CDKL2: variants seen among roughly 807,000 people sequenced by gnomAD.
CDKL2 encodes the protein cyclin-dependent kinase-like 2.
A neutral mutation model predicts 63.9 loss-of-function variants in CDKL2; 64 were observed. That is an observed-to-expected ratio of 1.00 (90% CI 0.82 to 1.23). The LOEUF is 1.23. Among genes scored for constraint, CDKL2 ranks in the 50% most tolerant of loss-of-function variants. The pLI is 0.00. For missense variants in CDKL2, 656 were observed against 668.0 expected, an observed-to-expected ratio of 0.98 and a Z score of 0.20; for synonymous variants, 211 against 229.2, an observed-to-expected ratio of 0.92 and a Z score of 0.72.
Position 75,581,873 on chromosome 4 carries a change from T to G in CDKL2, c.1673A>C (p.Asp558Ala), listed in dbSNP as rs1728277911. Residue 558 changes from aspartate (D) to alanine (A), a missense_variant, in exon 13 of 14, where the codon GAT (aspartate) becomes GCT (alanine). By Grantham distance (126) the Asp-to-Ala change is moderately radical. Coordinates refer to ENST00000307465, the MANE Select transcript of CDKL2 (RefSeq NM_001330724.2). ...CATTTGAGGCAAATCAGCCCCTGAATCATCTGACAGGGGAGGTCCTGATAC... is the reference window on the plus strand; with the variant it reads ...CATTTGAGGCAAATCAGCCCCTGAAGCATCTGACAGGGGAGGTCCTGATAC... ...HQVSGPPLSD[D>A]SGADLPQMEH... is the part of the protein sequence containing the mutation. 1 of 1,612,220 alleles carries G rather than the reference T, an allele frequency of 6.2e-7. No individual in the cohort carries two copies. The highest frequency in any genetic ancestry group is 8.5e-7 in the Non-Finnish European group (1 of 1,178,666).
intron 2 of CDKL2, among the ~76,000 whole-genome samples, chr4:75,620,874 G>T (rs571765553): frequency 1.3e-5 from 2 of 151,756 alleles, no homozygotes; most frequent in African/African-American, 4.8e-5. Context: ...ATGAATCTTA[G>T]TATATGAAGC....
rs1019220300 is a variant in CDKL2, at chr4:75,577,613, C to A, written c.*1589G>T. On this transcript the variant is annotated 3_prime_UTR_variant, in exon 14 of 14. Transcript: ENST00000307465. ...TTTGGCTTTAAGTATTACCTGTTTG[C>A]CATGCTGCAGAATCTATTGGCAGTG... Among the ~76,000 whole-genome samples the A allele has an allele frequency of 3.3e-5, 5 of 152,118 alleles. No homozygotes were observed. Among genetic ancestry groups the A allele is most frequent in the Non-Finnish European group, 7.4e-5 (5 of 67,990 alleles).
chr4:75,610,839 A>T (rs1729656659), intron 3 of CDKL2, among the ~76,000 whole-genome samples: 1 of 152,146 alleles, frequency 6.6e-6, no homozygotes. Flanking sequence ...ATATGTATGT[A>T]TGTATGTATA....
chr4:75,621,155 C>T (rs1308847745), intron 2 of CDKL2, among the ~76,000 whole-genome samples: 5 of 151,882 alleles, frequency 3.3e-5, no homozygotes, highest in Non-Finnish European at 5.9e-5. Flanking sequence ...AGGCTGGTCT[C>T]GAACCCCTGA....
At chr4:75,586,783 T>C (rs1039468362) in intron 12 of CDKL2, among the ~76,000 whole-genome samples, 2 of 152,096 alleles carry the variant, frequency 1.3e-5, no homozygotes, top group African/African-American at 4.8e-5. Context: ...GAAATGAAAA[T>C]ACAACATATC....
intron 8 of CDKL2, 47 bp downstream of exon 8, chr4:75,598,029 TA>T (rs778563667): frequency 3.3e-6 from 4 of 1,219,734 alleles, no homozygotes; most frequent in South Asian, 3.6e-5. Context: ...TCAAAAAATT[TA>T]AAAAAATAAG....
intron 4 of CDKL2, 106 bp downstream of exon 4, chr4:75,607,077 G>T: frequency 1.1e-6 from 1 of 880,646 alleles, no homozygotes; most frequent in Non-Finnish European, 1.7e-6. Context: ...TGAAACTCAA[G>T]CCTTCCTTTC....
chr4:75,592,887 G>GA (rs2148869791), intron 10 of CDKL2, among the ~76,000 whole-genome samples: 1 of 152,260 alleles, frequency 6.6e-6, no homozygotes, highest in African/African-American at 2.4e-5. Flanking sequence ...GATAAAGTCA[G>GA]AAAAAATAGT....
At chr4:75,625,237 T>TA (rs1429778980) in intron 2 of CDKL2, among the ~76,000 whole-genome samples, 1 of 152,174 alleles carries the variant, frequency 6.6e-6, no homozygotes, top group Non-Finnish European at 1.5e-5. Context: ...AATAAATTCT[T>TA]ATATGGTGTA....
chr4:75,579,870 G>C (rs1307137993), intron 13 of CDKL2, among the ~76,000 whole-genome samples: 1 of 152,204 alleles, frequency 6.6e-6, no homozygotes, highest in East Asian at 1.9e-4. Context: ...GAAAGGACCT[G>C]TGCAAATGAA....
rs1260033697 is a variant in CDKL2, at chr4:75,603,919, T to C, written c.693A>G (p.Lys231=). 1.2e-6 allele frequency: 2 copies of C among 1,612,486 alleles called. No individual in the cohort carries two copies. Among genetic ancestry groups the C allele is most frequent in the Middle Eastern group, 1.7e-4 (1 of 6,046 alleles). The change falls in exon 6 of 14, where the codon AAA becomes AAG. Residue 231 remains lysine, a synonymous_variant. Transcript: ENST00000307465. ...ACCTTACTCCAGCAAACACAGGATT[T>C]TTATTAAAAAGCTCCTGATGCCTTG... ...LIPRHQELFN[K]NPVFAGVRLP...
At position 75,578,814 on chromosome 4, in the gene CDKL2, C is replaced by T. The variant is rs1578306960; in HGVS notation, c.*388G>A. ...AAAGTTCAATGCATGAGTAACATGG[C>T]CTTTTATAGTATTTCTCTCTGTCCC... On this transcript the variant is annotated 3_prime_UTR_variant, in exon 14 of 14. Transcript: ENST00000307465. 6.6e-6 allele frequency: 1 copy of T among 152,640 alleles called. No homozygotes were observed. The allele number at this position is 152,640 out of a possible 1,614,324, so 9.5% of individuals were successfully genotyped here. A position where few individuals can be genotyped will look rare whatever the true frequency, so the allele number is the denominator to read the frequency against.
At chr4:75,605,815 A>C (rs1014438413) in intron 4 of CDKL2, among the ~76,000 whole-genome samples, 181 bp from the exon 5 acceptor site, 4 of 152,172 alleles carry the variant, frequency 2.6e-5, no homozygotes, top group Non-Finnish European at 5.9e-5. Context: ...AAAAAAAAAA[A>C]AAAACCCATC....
rs1578332855 is a variant in CDKL2 at position 75,603,143 on chromosome 4, G to A, written c.795+674C>T. On this transcript the variant is annotated intron_variant, in intron 6 of 13. Coordinates refer to ENST00000307465, the MANE Select transcript of CDKL2 (RefSeq NM_001330724.2). ...GCCTCCCCAGTAGCTGGGACTACAG[G>A]CGCCCGCCACCGCGCCCGGCTAATT... Among the ~76,000 whole-genome samples the A allele has an allele frequency of 2.0e-5, 3 of 150,216 alleles. 1 individual carries two copies. The East Asian group carries it at 6.0e-4, about 30-fold the overall frequency.
chr4:75,577,778 A>G lies in CDKL2; in HGVS notation c.*1424T>C, dbSNP rs1728085472. On this transcript the variant is annotated 3_prime_UTR_variant, in exon 14 of 14. Coordinates refer to ENST00000307465, the MANE Select transcript of CDKL2 (RefSeq NM_001330724.2). ...TTAAAAGTAGAGCTTTTAAATCAAGACCAATTTTAATTTAACCACCACCTA... is the reference window on the plus strand; with the variant it reads ...TTAAAAGTAGAGCTTTTAAATCAAGGCCAATTTTAATTTAACCACCACCTA... Among the ~76,000 whole-genome samples, 1 of 152,178 alleles carries G rather than the reference A, an allele frequency of 6.6e-6. No individual in the cohort carries two copies. Among genetic ancestry groups the G allele is most frequent in the Admixed American group, 6.5e-5 (1 of 15,276 alleles).
Position 75,587,087 on chromosome 4 carries a change from A to T in CDKL2, c.1647+4732T>A, listed in dbSNP as rs148356784. ...TGACAAACTCCTAACTATACTGATC[A>T]AGAAAAAGAAAGTGAACATAATAAA... On this transcript the variant is annotated intron_variant, in intron 12 of 13. Transcript: ENST00000307465. Among the ~76,000 whole-genome samples the T allele has an allele frequency of 4.1e-3, 622 of 152,368 alleles. 2 individuals carry two copies. The highest frequency in any genetic ancestry group is 0.01 in the Middle Eastern group (3 of 294).
At position 75,607,186 on chromosome 4, in the gene CDKL2, C is replaced by G. The variant is rs775583540; in HGVS notation, c.539G>C (p.Gly180Ala). 4 of 1,604,936 alleles carry G rather than the reference C, an allele frequency of 2.5e-6. No homozygotes were observed. In the Admixed American group the frequency reaches 6.8e-5, roughly 27 times the overall value. Residue 180 changes from glycine to alanine, a missense_variant, in exon 4 of 14, where the codon GGC (glycine) becomes GCC (alanine). Coordinates refer to ENST00000307465, the MANE Select transcript of CDKL2 (RefSeq NM_001330724.2). Reference sequence around the variant, plus strand: ...CTCCCCATTACTGATGTCTTACTTGCCATACTTGACATCACCAACCAATAG... The same window carrying G: ...CTCCCCATTACTGATGTCTTACTTGGCATACTTGACATCACCAACCAATAG... ...PELLVGDVKY[G>A]KAVDVWAIGC...
In CDKL2 at chr4:75,600,319, TAGG is replaced by T; in HGVS notation, c.843_845del (p.Leu282del). On this transcript the variant is annotated inframe_deletion, in exon 7 of 14. Transcript: ENST00000307465. ...CATCCATTTGAAAGAAATCATGGTG[TAGG>T]AGCTCAGCACAGAAGGGTCTTTTGT... 11 of 1,613,794 alleles carry T rather than the reference TAGG, an allele frequency of 6.8e-6. No homozygotes were observed. Among genetic ancestry groups the T allele is most frequent in the Non-Finnish European group, 8.5e-6 (10 of 1,179,752 alleles).
At chr4:75,625,617 G>A (rs1730364928) in intron 2 of CDKL2, among the ~76,000 whole-genome samples, 2 of 152,066 alleles carry the variant, frequency 1.3e-5, no homozygotes, top group Non-Finnish European at 2.9e-5. Flanking sequence ...AATCTGGGGT[G>A]GTCTTTGGGA....
Sources: gnomAD v4.1 joint callset for allele counts (sites outside exome capture counted in the v4.1 genomes callset) on GRCh38, gnomAD v4.1.1 for gene constraint, MANE v1.5 for transcripts, NCBI Gene and HGNC (gene_info 2026-07-23, HGNC 2026-07-21) for gene names.